The following DLG2 variants were observed in gnomAD, a reference collection of about 807,000 sequenced individuals.
The protein encoded by DLG2 is discs large MAGUK scaffold protein 2, also known as disks large homolog 2.
Under a neutral mutation model 132.5 loss-of-function variants are expected in DLG2, and 45 were observed. The observed-to-expected ratio is 0.34, with a 90% CI of 0.27 to 0.44. The LOEUF is 0.44. DLG2 is among the 20% of genes least tolerant of loss of function. The pLI is 1.00. For synonymous variants in DLG2, 424 were observed against 419.6 expected (o/e 1.01, Z -0.13); for missense variants, 1,045 against 1,196.9 (o/e 0.87, Z 1.87).
intron 3 of DLG2, among the ~76,000 whole-genome samples, chr11:85,319,015 C>A (rs371913289): frequency 1.2e-3 from 176 of 151,980 alleles, no homozygotes; most frequent in African/African-American, 4.1e-3. Flanking sequence ...TCATTTAAAA[C>A]AAGAACATCT....
At chr11:84,296,337 G>T (rs148040835) in intron 7 of DLG2, among the ~76,000 whole-genome samples, 147 of 152,196 alleles carry the variant, frequency 9.7e-4, no homozygotes, top group African/African-American at 3.3e-3. Context: ...GAAACAGACA[G>T]GATTCCACTG....
At chr11:84,469,120 T>G (rs1224860886) in intron 7 of DLG2, among the ~76,000 whole-genome samples, 2 of 151,688 alleles carry the variant, frequency 1.3e-5, no homozygotes, top group African/African-American at 2.4e-5. Flanking sequence ...GTATAACTAT[T>G]TCTAATATCA....
At chr11:84,251,711 C>T (rs974141556) in intron 7 of DLG2, among the ~76,000 whole-genome samples, 18 of 142,660 alleles carry the variant, frequency 1.3e-4, no homozygotes, top group African/African-American at 3.6e-4. Flanking sequence ...GGTGCAATCT[C>T]GGCTCACTCA....
intron 6 of DLG2, among the ~76,000 whole-genome samples, chr11:84,644,478 G>C (rs1238053137): frequency 6.6e-6 from 1 of 151,776 alleles, no homozygotes; most frequent in African/African-American, 2.4e-5. Context: ...GGACAGAGGC[G>C]GGCGAGTCAC....
At chr11:83,720,843 T>C (rs1420752197) in intron 18 of DLG2, 1 of 150,642 alleles carries the variant, frequency 6.6e-6, no homozygotes, top group Non-Finnish European at 1.5e-5. Flanking sequence ...TGAATAGCCC[T>C]TGTGAAGGCA....
At position 84,845,526 on chromosome 11, in the gene DLG2, G is replaced by C. The variant is rs150318230; in HGVS notation, c.357+266135C>G. 4.9e-4 allele frequency among the ~76,000 whole-genome samples: 75 copies of C among 152,142 alleles called. 1 individual carries two copies. In the East Asian group the frequency reaches 0.013, roughly 27 times the overall value. ...ATGAGATCATCACTACTAACATCCA[G>C]TGAACATGTCTATGTCCTTATCTTA... On this transcript the variant is annotated intron_variant, in intron 6 of 27. Coordinates refer to ENST00000376104, the MANE Select transcript of DLG2 (RefSeq NM_001142699.3).
intron 6 of DLG2, among the ~76,000 whole-genome samples, chr11:84,672,145 A>C (rs2099706576): frequency 6.6e-6 from 1 of 152,154 alleles, no homozygotes; most frequent in Non-Finnish European, 1.5e-5. Flanking sequence ...AAACTCATGG[A>C]AACATAACTA....
intron 6 of DLG2, among the ~76,000 whole-genome samples, chr11:84,968,544 A>C (rs2053630719): frequency 6.6e-6 from 1 of 152,140 alleles, no homozygotes; most frequent in African/African-American, 2.4e-5. Flanking sequence ...GTATTATAAA[A>C]ATTTTTATTT....
At chr11:83,498,470 A>G (rs2094268641) in intron 21 of DLG2, among the ~76,000 whole-genome samples, 2 of 152,094 alleles carry the variant, frequency 1.3e-5, no homozygotes, top group African/African-American at 4.8e-5. Flanking sequence ...ATCAAAGAAG[A>G]AATCACAAGA....
chr11:83,742,941 A>G (rs573326411), intron 18 of DLG2, among the ~76,000 whole-genome samples: 10 of 152,334 alleles, frequency 6.6e-5, no homozygotes, highest in African/African-American at 2.2e-4. Flanking sequence ...AAAGTACCAT[A>G]TAGCCTAGTG....
At chr11:84,106,645 C>T (rs1192089717) in intron 9 of DLG2, among the ~76,000 whole-genome samples, 2 of 152,014 alleles carry the variant, frequency 1.3e-5, no homozygotes, top group Non-Finnish European at 2.9e-5. Context: ...CAGGAGAATA[C>T]TTCATTTGGG....
At chr11:85,250,645 C>T (rs1176509146) in intron 4 of DLG2, among the ~76,000 whole-genome samples, 2 of 151,960 alleles carry the variant, frequency 1.3e-5, no homozygotes, top group Non-Finnish European at 2.9e-5. Flanking sequence ...CTTGAAGATA[C>T]AAAGATGAAC....
chr11:83,848,237 A>G (rs1249924019), intron 16 of DLG2, among the ~76,000 whole-genome samples: 1 of 151,122 alleles, frequency 6.6e-6, no homozygotes, highest in African/African-American at 2.4e-5. Context: ...TGCAATCTCT[A>G]TGAGAACTAC....
intron 16 of DLG2, among the ~76,000 whole-genome samples, chr11:83,834,501 A>G (rs2055532643): frequency 6.6e-6 from 1 of 152,158 alleles, no homozygotes; most frequent in African/African-American, 2.4e-5. Context: ...TTGGAAAAAG[A>G]GGAGAGAGAG....
intron 14 of DLG2, among the ~76,000 whole-genome samples, chr11:83,936,337 T>C (rs948272098): frequency 6.6e-6 from 1 of 152,228 alleles, no homozygotes; most frequent in Admixed American, 6.5e-5. Flanking sequence ...CCACTTTCTC[T>C]GTACTTCTCA....
chr11:84,141,131 A>AC (rs1488831712), intron 9 of DLG2, among the ~76,000 whole-genome samples: 2 of 152,180 alleles, frequency 1.3e-5, no homozygotes, highest in Admixed American at 1.3e-4. Context: ...TGCCACTGCT[A>AC]CCAGCACTAG....
intron 6 of DLG2, among the ~76,000 whole-genome samples, chr11:84,886,035 G>A (rs1324072074): frequency 6.6e-6 from 1 of 151,992 alleles, no homozygotes; most frequent in African/African-American, 2.4e-5. Flanking sequence ...TGTTTCCATG[G>A]GGCTTACAAT....
chr11:84,081,448 A>T (rs1246113622), intron 10 of DLG2, among the ~76,000 whole-genome samples: 1 of 151,834 alleles, frequency 6.6e-6, no homozygotes, highest in African/African-American at 2.4e-5. Flanking sequence ...AAAGAAAAAA[A>T]AAAGTAACAA....
intron 18 of DLG2, chr11:83,720,697 T>G (rs2088263507): frequency 6.6e-6 from 1 of 151,026 alleles, no homozygotes; most frequent in Non-Finnish European, 1.5e-5. Flanking sequence ...AAAGAGTAAG[T>G]AAAGTTTAGG....
Sources: allele counts gnomAD v4.1 joint callset (sites outside exome capture counted in the v4.1 genomes callset), GRCh38; gene constraint gnomAD v4.1.1; transcripts MANE v1.5; gene names NCBI Gene and HGNC (gene_info 2026-07-23, HGNC 2026-07-21).